ADCY1: variants seen among roughly 807,000 people sequenced by gnomAD.
ADCY1 encodes adenylate cyclase 1, also known as adenylate cyclase type 1.
Under a neutral mutation model 105.4 loss-of-function variants are expected in ADCY1, and 28 were observed. The observed-to-expected ratio is 0.27, with a 90% CI of 0.20 to 0.36. The LOEUF (loss-of-function observed/expected upper bound fraction) is 0.36. Ranked by LOEUF, ADCY1 falls within the 10% of genes least tolerant of loss-of-function variation. ADCY1 has a pLI of 1.00. For synonymous variants in ADCY1, 655 were observed against 623.8 expected, an observed-to-expected ratio of 1.05 and a Z score of -0.75; for missense variants, 977 against 1,434.2, an observed-to-expected ratio of 0.68 and a Z score of 5.15.
At chr7:45,675,908 C>G (rs1161869407) in intron 8 of ADCY1, among the ~76,000 whole-genome samples, 1 of 152,130 alleles carries the variant, frequency 6.6e-6, no homozygotes, top group Non-Finnish European at 1.5e-5. Flanking sequence ...TATCTTTTGC[C>G]AAACTTGGGA....
intron 8 of ADCY1, among the ~76,000 whole-genome samples, chr7:45,672,611 C>T (rs1237977438): frequency 2.0e-5 from 3 of 151,586 alleles, no homozygotes; most frequent in African/African-American, 7.3e-5. Flanking sequence ...TTCCTTTTTT[C>T]ATCACTAATA....
chr7:45,693,806 T>G (rs1251388542), intron 14 of ADCY1, among the ~76,000 whole-genome samples: 1 of 143,464 alleles, frequency 7.0e-6, no homozygotes, highest in Non-Finnish European at 1.5e-5. Context: ...TGAGTTCATA[T>G]CCTTTGTAGG....
intron 8 of ADCY1, among the ~76,000 whole-genome samples, chr7:45,668,020 G>C (rs1337570050): frequency 5.3e-5 from 8 of 152,190 alleles, no homozygotes; most frequent in Non-Finnish European, 1.0e-4. Context: ...AGCTTAAGGA[G>C]ATTTTGGGCT....
chr7:45,629,843 GAC>G (rs1794186596), intron 4 of ADCY1, among the ~76,000 whole-genome samples: 1 of 152,188 alleles, frequency 6.6e-6, no homozygotes, highest in Non-Finnish European at 1.5e-5. Flanking sequence ...TTATGAAACA[GAC>G]ACAATGTTTT....
intron 2 of ADCY1, among the ~76,000 whole-genome samples, chr7:45,607,017 T>A (rs1027081598): frequency 9.9e-5 from 15 of 152,072 alleles, no homozygotes; most frequent in African/African-American, 2.7e-4. Context: ...TTTTTTTTTT[T>A]AATCAGAAAT....
In ADCY1 at chr7:45,677,996, C is replaced by A; in HGVS notation, c.1733C>A (p.Thr578Lys). The change falls in exon 9 of 20, where the codon ACA (threonine) becomes AAA (lysine). Residue 578 changes from threonine (T) to lysine (K), a missense_variant. Physicochemically the swap from Thr to Lys is moderately conservative, Grantham distance 78. This residue lies in a region of ADCY1 where 275 missense variants were observed against 362.1 expected (regional missense o/e 0.76). Coordinates refer to ENST00000297323, the MANE Select transcript of ADCY1 (RefSeq NM_021116.4). ...YISRLLEARQTELEMADLNFF... is the reference protein window; with the variant it reads ...YISRLLEARQKELEMADLNFF... ...AGCCGCCTCTTAGAAGCCCGCCAGA[C>A]AGAGCTGGAGATGGCAGACCTGAAC... 1 of 1,614,212 alleles carries A rather than the reference C, an allele frequency of 6.2e-7. No homozygotes were observed. The highest frequency in any genetic ancestry group is 8.5e-7 in the Non-Finnish European group (1 of 1,180,048).
At position 45,574,791 on chromosome 7, in the gene ADCY1, C is replaced by G; in HGVS notation, c.248C>G (p.Ala83Gly). The G allele has an allele frequency of 1.3e-6, 2 of 1,546,094 alleles. No homozygotes were observed. Among genetic ancestry groups the G allele is most frequent in the Non-Finnish European group, 1.7e-6 (2 of 1,153,008 alleles). ...CTGGCGCTGGCCGAGCTGCTGGGCG[C>G]GCCGGGGCCCGCGCCCGGCCTGGCC... ...GALALAELLG[A>G]PGPAPGLAKG... The change falls in exon 1 of 20, where the codon GCG (alanine) becomes GGG (glycine). Residue 83 changes from alanine to glycine, a missense_variant. By Grantham distance (60) the Ala-to-Gly change is moderately conservative. This residue lies in a region of ADCY1 where 209 missense variants were observed against 222.5 expected (regional missense o/e 0.94). Transcript: ENST00000297323. The surrounding 1 kb of genome is among the most constrained non-coding windows in gnomAD (Gnocchi z 7.0).
Position 45,662,070 on chromosome 7 carries a change from C to T in ADCY1, c.1461C>T (p.Gly487=). The T allele has an allele frequency of 6.2e-7, 1 of 1,613,954 alleles. No homozygotes were observed. The highest frequency in any genetic ancestry group is 8.5e-7 in the Non-Finnish European group (1 of 1,179,904). Residue 487 remains glycine (G), a synonymous_variant, in exon 8 of 20, where the codon GGC becomes GGT. Coordinates refer to ENST00000297323, the MANE Select transcript of ADCY1 (RefSeq NM_021116.4). The stretch of plus-strand genomic sequence containing the variant: ...GTGTGTTTGGACAGATATTTCCAGG[C>T]CTGATTCTCTCAGATATAAAACCGG... ...VPSHRRKIFP[G]LILSDIKPAK...
chr7:45,658,219 T>C (rs186425015), intron 6 of ADCY1, among the ~76,000 whole-genome samples: 2 of 152,378 alleles, frequency 1.3e-5, no homozygotes, highest in Admixed American at 1.3e-4. Flanking sequence ...GCATCACTTC[T>C]CTTTTTGCTG....
At position 45,684,985 on chromosome 7, in the gene ADCY1, C is replaced by T. The variant is rs530909548; in HGVS notation, c.1990C>T (p.Pro664Ser). ...ATTAACATTTCTTATTCAGTGTTTT[C>T]CAGGGTGCCTGACGATTCAGATTCG... Reference protein sequence around the residue: ...YLHITRVQCFPGCLTIQIRTV... With the variant: ...YLHITRVQCFSGCLTIQIRTV... The change falls in exon 12 of 20, where the codon CCA becomes TCA. Residue 664 changes from proline to serine, a missense_variant. By Grantham distance (74) the Pro-to-Ser change is moderately conservative. Around this residue, in one of 7 missense-constraint regions of ADCY1, gnomAD observed 275 missense variants for 362.1 expected, o/e 0.76. Coordinates refer to ENST00000297323, the MANE Select transcript of ADCY1 (RefSeq NM_021116.4). 47 of 1,613,896 alleles carry T rather than the reference C, an allele frequency of 2.9e-5. No homozygotes were observed. In the South Asian group the frequency reaches 5.2e-4, roughly 18 times the overall value.
intron 3 of ADCY1, among the ~76,000 whole-genome samples, chr7:45,613,161 A>G (rs940403745): frequency 1.3e-5 from 2 of 152,244 alleles, no homozygotes; most frequent in Admixed American, 1.3e-4. Context: ...GACAATTTAA[A>G]ATAACTCCCA....
At chr7:45,636,559 T>G (rs1461904447) in intron 4 of ADCY1, among the ~76,000 whole-genome samples, 1 of 152,178 alleles carries the variant, frequency 6.6e-6, no homozygotes, top group African/African-American at 2.4e-5. Context: ...CGTTTGTTTG[T>G]TTTTGTTGGG....
At chr7:45,684,405 G>A (rs551959548) in intron 11 of ADCY1, 2 of 152,346 alleles carry the variant, frequency 1.3e-5, no homozygotes, top group East Asian at 3.9e-4. Context: ...AGGGTGAGTT[G>A]TTTTCTGTAA....
At chr7:45,578,764 A>G (rs546596897) in intron 1 of ADCY1, among the ~76,000 whole-genome samples, 4 of 152,310 alleles carry the variant, frequency 2.6e-5, no homozygotes, top group African/African-American at 9.6e-5. Context: ...CATGTGTGCA[A>G]GAGGAAGACC....
chr7:45,651,846 C>T (rs1794820453), intron 5 of ADCY1, among the ~76,000 whole-genome samples: 1 of 152,160 alleles, frequency 6.6e-6, no homozygotes, highest in Admixed American at 6.5e-5. Context: ...TTTCCAAGGC[C>T]CACAGAGAGG....
chr7:45,677,305 G>T (rs1363442861), intron 8 of ADCY1, among the ~76,000 whole-genome samples: 3 of 152,190 alleles, frequency 2.0e-5, no homozygotes, highest in African/African-American at 7.2e-5. Flanking sequence ...CACTGATAGT[G>T]AGTTCATGGC....
Position 45,583,941 on chromosome 7 carries a change from T to TTTTG in ADCY1, c.639+8762_639+8763insGTTT, listed in dbSNP as rs1395624194. On this transcript the variant is annotated intron_variant, in intron 1 of 19. Transcript: ENST00000297323. ...AGGCATGAGCCACTGTGCCCTGTTTTTTTTTTTTTTTTTTTTTTTTTTTTC... is the reference window on the plus strand; with the variant it reads ...AGGCATGAGCCACTGTGCCCTGTTTTTTTGTTTTTTTTTTTTTTTTTTTTTTTTC... 4.5e-4 allele frequency among the ~76,000 whole-genome samples: 45 copies of TTTTG among 100,930 alleles called. 1 individual carries two copies. Among genetic ancestry groups the TTTTG allele is most frequent in the South Asian group, 1.5e-3 (3 of 2,060 alleles). 66.2% of individuals were successfully genotyped at this position (100,930 alleles called of 152,430 possible).
Position 45,708,515 on chromosome 7 carries a change from A to AC in ADCY1, c.2932+54dup, listed in dbSNP as rs1167371519. On this transcript the variant is annotated intron_variant, in intron 18 of 19. Transcript: ENST00000297323. This position sits in a 1 kb window ranked among gnomAD's most constrained non-coding sequence, Gnocchi z 4.7. The stretch of plus-strand genomic sequence containing the variant: ...CCATCCATGTGGAACACCTTCCTAC[A>AC]CCCACCTAGGGGTGGGATCAGCTGA... The AC allele has an allele frequency of 7.1e-7, 1 of 1,411,980 alleles. No individual in the cohort carries two copies. Among genetic ancestry groups the AC allele is most frequent in the Non-Finnish European group, 1.0e-6 (1 of 998,900 alleles). The allele number at this position is 1,411,980 out of a possible 1,614,324, so 87.5% of individuals were successfully genotyped here. A position where few individuals can be genotyped will look rare whatever the true frequency, so the allele number is the denominator to read the frequency against.
At chr7:45,679,588 G>A (rs1475109486) in intron 10 of ADCY1, 121 bp from the exon 11 acceptor site, 2 of 951,910 alleles carry the variant, frequency 2.1e-6, no homozygotes, top group Non-Finnish European at 3.3e-6. Context: ...CCAGGTTAAC[G>A]ATGCTGCTTC....
Sources: gnomAD v4.1 joint callset for allele counts (sites outside exome capture counted in the v4.1 genomes callset) on GRCh38, gnomAD v4.1.1 for gene constraint, gnomAD v4.1.1 regional missense constraint, Gnocchi (gnomAD v3.1) non-coding constraint, MANE v1.5 for transcripts, NCBI Gene and HGNC (gene_info 2026-07-23, HGNC 2026-07-21) for gene names.